The following MTMR7 variants were observed in gnomAD, a reference collection of about 807,000 sequenced individuals.
MTMR7 encodes myotubularin related protein 7.
MTMR7 carries 76 observed loss-of-function variants against 81.2 expected under a neutral mutation model. The observed-to-expected ratio is 0.94, with a 90% CI of 0.78 to 1.13. The LOEUF (loss-of-function observed/expected upper bound fraction) is 1.13. MTMR7 is among the 50% of genes most tolerant of loss of function. MTMR7 has a pLI of 0.00. For synonymous variants in MTMR7, 372 were observed against 289.8 expected (o/e 1.28, Z -2.88); for missense variants, 1,044 against 820.0 (o/e 1.27, Z -3.34).
chr8:17,338,438 C>T (rs1159218967), intron 6 of MTMR7, among the ~76,000 whole-genome samples: 1 of 152,164 alleles, frequency 6.6e-6, no homozygotes, highest in Non-Finnish European at 1.5e-5. Flanking sequence ...GGGTAAGAAA[C>T]AGGCTTCCCA....
chr8:17,360,377 C>T (rs142842032), intron 4 of MTMR7, among the ~76,000 whole-genome samples: 198 of 151,810 alleles, frequency 1.3e-3, no homozygotes, highest in East Asian at 5.0e-3. Context: ...ATATGCATTA[C>T]TTACATATGA....
At chr8:17,395,790 A>G (rs958758454) in intron 1 of MTMR7, among the ~76,000 whole-genome samples, 5 of 152,238 alleles carry the variant, frequency 3.3e-5, no homozygotes, top group African/African-American at 4.8e-5. Flanking sequence ...GGTGTTGCAC[A>G]TAAGTATCCA....
chr8:17,363,411 G>T (rs879753371), intron 3 of MTMR7, among the ~76,000 whole-genome samples: 2 of 152,180 alleles, frequency 1.3e-5, no homozygotes, highest in African/African-American at 4.8e-5. Flanking sequence ...TAGCTTTAAA[G>T]GTAGAAGAAG....
chr8:17,304,438 A>T lies in MTMR7; in HGVS notation c.1434T>A (p.Asp478Glu), dbSNP rs1554504516. The change falls in exon 12 of 14, where the codon GAT becomes GAA. Residue 478 changes from aspartate (D) to glutamate (E), a missense_variant. By Grantham distance (45) the Asp-to-Glu change is conservative. Coordinates refer to ENST00000180173, the MANE Select transcript of MTMR7 (RefSeq NM_004686.5). ...GAAGGGTTCCCTGAGTCTGGCTGTG[A>T]TCAGCTCTAAACAGAGGATTCAGGT... ...ADYLNPLFRADHSQTQGTLHL... is the reference protein window; with the variant it reads ...ADYLNPLFRAEHSQTQGTLHL... 1 of 1,614,084 alleles carries T rather than the reference A, an allele frequency of 6.2e-7. No individual in the cohort carries two copies. The highest frequency in any genetic ancestry group is 1.1e-5 in the South Asian group (1 of 91,070).
chr8:17,380,503 A>G (rs1238099665), intron 1 of MTMR7, among the ~76,000 whole-genome samples: 2 of 152,028 alleles, frequency 1.3e-5, no homozygotes, highest in African/African-American at 4.8e-5. Context: ...CCTGAGCCAC[A>G]CTGGAAGAAG....
At chr8:17,363,968 T>G (rs1348683492) in intron 3 of MTMR7, among the ~76,000 whole-genome samples, 10 of 147,906 alleles carry the variant, frequency 6.8e-5, no homozygotes, top group African/African-American at 2.0e-4. Context: ...TTTTTAATAA[T>G]ATATTGATGA....
chr8:17,355,908 G>C (rs1819876375), intron 4 of MTMR7, among the ~76,000 whole-genome samples: 1 of 152,102 alleles, frequency 6.6e-6, no homozygotes, highest in Non-Finnish European at 1.5e-5. Context: ...TTGGCTCAAA[G>C]TTAAGACCAG....
Position 17,378,680 on chromosome 8 carries a change from A to G in MTMR7, c.25-5440T>C, listed in dbSNP as rs1367751431. ...GAAAAAGGCTATGGAAATCTATGCAAAAGATATTACACTATATTATTAATT... is the reference window on the plus strand; with the variant it reads ...GAAAAAGGCTATGGAAATCTATGCAGAAGATATTACACTATATTATTAATT... On this transcript the variant is annotated intron_variant, in intron 1 of 13. Coordinates refer to ENST00000180173, the MANE Select transcript of MTMR7 (RefSeq NM_004686.5). Among the ~76,000 whole-genome samples the G allele has an allele frequency of 4.6e-5, 7 of 152,344 alleles. No homozygotes were observed. In the East Asian group the frequency reaches 1.3e-3, roughly 29 times the overall value.
chr8:17,383,042 C>T (rs77348802), intron 1 of MTMR7, among the ~76,000 whole-genome samples: 2,082 of 151,292 alleles, frequency 0.014, 59 homozygotes, highest in African/African-American at 0.048. Flanking sequence ...GGCCGGGATC[C>T]CAGGGCCTGT....
At chr8:17,381,743 C>G (rs955618242) in intron 1 of MTMR7, among the ~76,000 whole-genome samples, 5 of 152,106 alleles carry the variant, frequency 3.3e-5, no homozygotes, top group Non-Finnish European at 7.3e-5. Flanking sequence ...TCTGCAGCAG[C>G]CAAAACCAAA....
At chr8:17,386,176 G>C (rs1027897121) in intron 1 of MTMR7, among the ~76,000 whole-genome samples, 8 of 152,138 alleles carry the variant, frequency 5.3e-5, no homozygotes, top group African/African-American at 1.9e-4. Context: ...AGGAGTTAGA[G>C]ACCAGTCCAG....
chr8:17,302,101 G>A (rs1325149979), intron 13 of MTMR7, 53 bp downstream of exon 13: 2 of 1,607,356 alleles, frequency 1.2e-6, no homozygotes, highest in East Asian at 2.2e-5. Flanking sequence ...ATGAAGCCTT[G>A]CTCTTCAAGA....
chr8:17,302,330 A>G, intron 12 of MTMR7, 50 bp from the exon 13 acceptor site: 3 of 1,567,544 alleles, frequency 1.9e-6, no homozygotes, highest in Non-Finnish European at 1.7e-6. Flanking sequence ...CAGTCTGAAA[A>G]TTCACATCCT....
At chr8:17,372,899 C>G in intron 2 of MTMR7, 2 of 489,304 alleles carry the variant, frequency 4.1e-6, no homozygotes, top group African/African-American at 2.0e-5. Context: ...TTCTAAGTCT[C>G]TCTTCACTGA....
chr8:17,379,619 T>C (rs1178147766), intron 1 of MTMR7, among the ~76,000 whole-genome samples: 1 of 152,156 alleles, frequency 6.6e-6, no homozygotes, highest in Non-Finnish European at 1.5e-5. Flanking sequence ...AGAACTTGCC[T>C]TTTTAAAACT....
At chr8:17,403,953 G>T (rs1422819867) in intron 1 of MTMR7, among the ~76,000 whole-genome samples, 10 of 152,104 alleles carry the variant, frequency 6.6e-5, no homozygotes, top group African/African-American at 1.7e-4. Flanking sequence ...TTCTTTGTCA[G>T]TTCCAATCTT....
intron 1 of MTMR7, among the ~76,000 whole-genome samples, chr8:17,385,133 CAT>C (rs1408316280): frequency 6.6e-6 from 1 of 152,182 alleles, no homozygotes; most frequent in African/African-American, 2.4e-5. Context: ...ATTTCAAAAA[CAT>C]AGTTAATATA....
At chr8:17,312,489 C>T (rs1817837627) in intron 8 of MTMR7, among the ~76,000 whole-genome samples, 1 of 147,064 alleles carries the variant, frequency 6.8e-6, no homozygotes, top group South Asian at 2.1e-4. Flanking sequence ...ACAGAAGAAT[C>T]GCTTGAACCT....
intron 3 of MTMR7, among the ~76,000 whole-genome samples, chr8:17,362,151 A>G (rs1204463339): frequency 6.6e-6 from 1 of 152,234 alleles, no homozygotes; most frequent in Non-Finnish European, 1.5e-5. Flanking sequence ...CACATTAAAA[A>G]AAAGTTAAAT....
Sources: allele counts gnomAD v4.1 joint callset (sites outside exome capture counted in the v4.1 genomes callset), GRCh38; gene constraint gnomAD v4.1.1; transcripts MANE v1.5; gene names NCBI Gene and HGNC (gene_info 2026-07-23, HGNC 2026-07-21).